The following CRNKL1 variants were observed in gnomAD, a reference collection of about 807,000 sequenced individuals.
The protein encoded by CRNKL1 is crooked neck pre-mRNA splicing factor 1.
Under a neutral mutation model 103.7 loss-of-function variants are expected in CRNKL1, and 35 were observed. The ratio of observed to expected loss-of-function variants is 0.34; its 90% confidence interval spans 0.26 to 0.45. CRNKL1 has a LOEUF of 0.45. Ranked by LOEUF, CRNKL1 falls within the 20% of genes least tolerant of loss-of-function variation. The pLI is 1.00. For missense variants in CRNKL1, 645 were observed against 836.0 expected (o/e 0.77, Z 2.82); for synonymous variants, 267 against 282.6 (o/e 0.94, Z 0.55).
chr20:20,049,383 T>G lies in CRNKL1; in HGVS notation c.253A>C (p.Ile85Leu). 6.2e-7 allele frequency: 1 copy of G among 1,605,896 alleles called. No individual in the cohort carries two copies. Among genetic ancestry groups the G allele is most frequent in the Non-Finnish European group, 8.5e-7 (1 of 1,174,280 alleles). Residue 85 changes from isoleucine to leucine, a missense_variant, in exon 3 of 14, where the codon ATA becomes CTA. Around this residue, in one of 2 missense-constraint regions of CRNKL1, gnomAD observed 63 missense variants for 128.3 expected, o/e 0.49. Transcript: ENST00000536226. ...CTTTCTTCCCATTGTGCGTATTTTA[T>G]CCAGTTACTAATCACAGTCCTGTTT... Reference protein sequence around the residue: ...RKNRTVISNWIKYAQWEESLK... With the variant: ...RKNRTVISNWLKYAQWEESLK...
chr20:20,051,344 A>T (rs1209124439), intron 1 of CRNKL1, among the ~76,000 whole-genome samples: 1 of 152,274 alleles, frequency 6.6e-6, no homozygotes, highest in East Asian at 1.9e-4. Context: ...ATATTATCAA[A>T]ATTAATTTCA....
intron 11 of CRNKL1, 91 bp from the exon 12 acceptor site, chr20:20,038,541 A>C: frequency 1.5e-6 from 1 of 680,068 alleles, no homozygotes; most frequent in African/African-American, 1.8e-5. Context: ...TCTAACCTAC[A>C]TCTAGGAACA....
At chr20:20,049,805 C>CCTTTCTTT (rs527627624) in intron 2 of CRNKL1, among the ~76,000 whole-genome samples, 5 of 151,412 alleles carry the variant, frequency 3.3e-5, no homozygotes, top group Non-Finnish European at 7.4e-5. Flanking sequence ...AATTCCTTTT[C>CCTTTCTTT]CTTTCTTTCT....
chr20:20,050,018 T>C (rs2043660672), intron 2 of CRNKL1, among the ~76,000 whole-genome samples: 1 of 152,156 alleles, frequency 6.6e-6, no homozygotes, highest in Non-Finnish European at 1.5e-5. Context: ...GGTTTCACCA[T>C]GTTGGCTAGG....
intron 12 of CRNKL1, among the ~76,000 whole-genome samples, 170 bp from the exon 13 acceptor site, chr20:20,037,741 AT>A (rs1344890902): frequency 2.6e-5 from 4 of 152,218 alleles, no homozygotes; most frequent in African/African-American, 9.7e-5. Flanking sequence ...CACTGAAAAT[AT>A]TTGATTCTAC....
intron 10 of CRNKL1, among the ~76,000 whole-genome samples, chr20:20,040,142 T>C (rs7270870): frequency 0.043 from 6,554 of 152,138 alleles, 486 homozygotes; most frequent in African/African-American, 0.15. Context: ...GTCAAATGCA[T>C]AAAACCTCCT....
chr20:20,036,505 G>A, intron 13 of CRNKL1, 143 bp from the exon 14 acceptor site: 1 of 745,754 alleles, frequency 1.3e-6, no homozygotes, highest in East Asian at 2.7e-5. Context: ...AACAAGGGCT[G>A]GGTCTGAAAG....
At chr20:20,036,511 G>T in intron 13 of CRNKL1, 149 bp from the exon 14 acceptor site, 1 of 705,826 alleles carries the variant, frequency 1.4e-6, no homozygotes, top group Non-Finnish European at 2.3e-6. Flanking sequence ...GGCTGGGTCT[G>T]AAAGACTGGG....
chr20:20,043,805 T>C, intron 6 of CRNKL1, 143 bp from the exon 7 acceptor site: 1 of 718,678 alleles, frequency 1.4e-6, no homozygotes, highest in South Asian at 2.0e-5. Context: ...TTTCTCCCTC[T>C]TGTTGAAGGT....
At chr20:20,053,821 T>C (rs1223038440), upstream of CRNKL1, among the ~76,000 whole-genome samples, 1 of 152,172 alleles carries the variant, frequency 6.6e-6, no homozygotes, top group African/African-American at 2.4e-5. Context: ...AAGATGTTTC[T>C]TTGAAGTGAT....
At chr20:20,055,183 TTTTG>T (rs2044211505), upstream of CRNKL1, among the ~76,000 whole-genome samples, 1 of 152,226 alleles carries the variant, frequency 6.6e-6, no homozygotes, top group African/African-American at 2.4e-5. Flanking sequence ...TTCTCATGAC[TTTTG>T]TTTCTCTTTC....
At position 20,052,433 on chromosome 20, in the gene CRNKL1, AAAC is replaced by A; in HGVS notation, c.-94_-92del. 3.1e-6 allele frequency: 5 copies of A among 1,614,230 alleles called. No homozygotes were observed. The highest frequency in any genetic ancestry group is 4.2e-6 in the Non-Finnish European group (5 of 1,180,040). ...TCACCGAAACCACAAAGCTTTCAGA[AAAC>A]AAACAGGATCTCGGAACCGGAAGCG... is the stretch of plus-strand genomic sequence containing the variant. On this transcript the variant is annotated 5_prime_UTR_variant, in exon 1 of 14. Coordinates refer to ENST00000536226, the MANE Select transcript of CRNKL1 (RefSeq NM_001278628.2).
intron 2 of CRNKL1, among the ~76,000 whole-genome samples, chr20:20,049,887 G>A (rs748564389): frequency 2.0e-5 from 3 of 151,296 alleles, no homozygotes; most frequent in Admixed American, 6.6e-5. Context: ...GCACGATCTC[G>A]GCTCACTGCA....
rs764255600 is a variant in CRNKL1, at chr20:20,041,640, G to T, written c.1165-15C>A. 4 of 1,600,216 alleles carry T rather than the reference G, an allele frequency of 2.5e-6. No homozygotes were observed. In the South Asian group the frequency reaches 3.3e-5, roughly 13 times the overall value. On this transcript the variant is annotated splice_polypyrimidine_tract_variant and intron_variant, in intron 8 of 13. Transcript: ENST00000536226. ...CTCTCAGGATCCTGTATTAGGATAAGAAATTTTCACAAAATATTGAAGTCT... is the reference window on the plus strand; with the variant it reads ...CTCTCAGGATCCTGTATTAGGATAATAAATTTTCACAAAATATTGAAGTCT...
upstream of CRNKL1, among the ~76,000 whole-genome samples, chr20:20,055,352 T>TTATTTTCTACC (rs2044227435): frequency 6.6e-6 from 1 of 152,246 alleles, no homozygotes; most frequent in South Asian, 2.1e-4. Context: ...TATTTTTGCT[T>TTATTTTCTACC]TATTTTCTAC....
chr20:20,052,426 T>C lies in CRNKL1; in HGVS notation c.-84A>G. The C allele has an allele frequency of 6.2e-7, 1 of 1,614,130 alleles. No individual in the cohort carries two copies. The highest frequency in any genetic ancestry group is 8.5e-7 in the Non-Finnish European group (1 of 1,180,020). On this transcript the variant is annotated 5_prime_UTR_variant, in exon 1 of 14. Transcript: ENST00000536226. ...TGAGAGCTCACCGAAACCACAAAGCTTTCAGAAAACAAACAGGATCTCGGA... is the reference window on the plus strand; with the variant it reads ...TGAGAGCTCACCGAAACCACAAAGCCTTCAGAAAACAAACAGGATCTCGGA...
intron 13 of CRNKL1, among the ~76,000 whole-genome samples, chr20:20,036,745 C>T (rs896017293): frequency 2.0e-5 from 3 of 152,212 alleles, no homozygotes; most frequent in Admixed American, 2.0e-4. Flanking sequence ...ACCTTCCCAT[C>T]CTCACCTCCT....
chr20:20,054,270 A>G (rs150552789), upstream of CRNKL1, among the ~76,000 whole-genome samples: 1 of 151,818 alleles, frequency 6.6e-6, no homozygotes, highest in African/African-American at 2.4e-5. Context: ...TAGGTTTATC[A>G]GTCTAGGTTA....
intron 12 of CRNKL1, 78 bp downstream of exon 12, chr20:20,038,271 T>A: frequency 3.4e-6 from 3 of 888,668 alleles, no homozygotes; most frequent in Non-Finnish European, 3.4e-6. Flanking sequence ...CCCAAACACT[T>A]AAAATACAGA....
Sources: gnomAD v4.1 joint callset for allele counts (sites outside exome capture counted in the v4.1 genomes callset) on GRCh38, gnomAD v4.1.1 for gene constraint, gnomAD v4.1.1 regional missense constraint, MANE v1.5 for transcripts, NCBI Gene and HGNC (gene_info 2026-07-23, HGNC 2026-07-21) for gene names.